The following PTPN9 variants were observed in gnomAD, a reference collection of about 807,000 sequenced individuals.
PTPN9 encodes tyrosine-protein phosphatase non-receptor type 9.
In PTPN9, 26 loss-of-function variants were observed where a neutral mutation model predicts 69.8. The observed-to-expected ratio is 0.37, with a 90% CI of 0.27 to 0.52. The LOEUF (loss-of-function observed/expected upper bound fraction) is 0.52. Among genes scored for constraint, PTPN9 ranks in the 20% least tolerant of loss-of-function variants. The probability of loss-of-function intolerance (pLI) is 0.91; values close to 1 mark genes in which losing one functional copy is unlikely to be tolerated. For missense variants in PTPN9, 549 were observed against 740.3 expected (o/e 0.74, Z 3.00); for synonymous variants, 274 against 272.5 (o/e 1.01, Z -0.05).
chr15:75,492,812 G>A (rs955912779), intron 7 of PTPN9, among the ~76,000 whole-genome samples: 25 of 152,058 alleles, frequency 1.6e-4, no homozygotes, highest in African/African-American at 6.0e-4. Context: ...GGATCTCAAT[G>A]TAATTAAGGA....
chr15:75,487,002 G>A (rs1039451725), intron 8 of PTPN9, among the ~76,000 whole-genome samples: 11 of 151,770 alleles, frequency 7.2e-5, no homozygotes, highest in Non-Finnish European at 1.3e-4. Context: ...AGCCAGGATG[G>A]TCTCGATCTC....
At position 75,465,858 on chromosome 15, in the gene PTPN9, G is replaced by C. The variant is rs2074534584; in HGVS notation, c.*2911C>G. On this transcript the variant is annotated 3_prime_UTR_variant, in exon 13 of 13. Transcript: ENST00000618819. ...TGACAATTTAAAGTTACCTCCTCCA[G>C]GCCGTTTATCATTAATCCCATTTCT... is the stretch of plus-strand genomic sequence containing the variant. 6.6e-6 allele frequency: 1 copy of C among 152,108 alleles called. No homozygotes were observed. 9.4% of individuals were successfully genotyped at this position (152,108 alleles called of 1,614,324 possible).
At chr15:75,541,493 G>A (rs987989174) in intron 1 of PTPN9, among the ~76,000 whole-genome samples, 6 of 149,070 alleles carry the variant, frequency 4.0e-5, no homozygotes, top group Admixed American at 2.7e-4. Context: ...TGCAAGCTCC[G>A]CCTCCCAGGT....
Position 75,482,581 on chromosome 15 carries a change from A to C in PTPN9, c.1063-2667T>G, listed in dbSNP as rs1377779335. On this transcript the variant is annotated intron_variant, in intron 8 of 12. Coordinates refer to ENST00000618819, the MANE Select transcript of PTPN9 (RefSeq NM_002833.4). ...CTCCGTCTCAAAAAAAAAAAAAAAA[A>C]AAAAAAAAAAGAGTCATCACCAATC... 3.4e-5 allele frequency among the ~76,000 whole-genome samples: 5 copies of C among 147,756 alleles called. No homozygotes were observed. The East Asian group carries it at 9.9e-4, about 29-fold the overall frequency.
At chr15:75,510,641 C>CTT (rs201005354) in intron 5 of PTPN9, among the ~76,000 whole-genome samples, 6 of 142,234 alleles carry the variant, frequency 4.2e-5, no homozygotes, top group South Asian at 2.2e-4. Flanking sequence ...AGAAAAAGTA[C>CTT]TTTTTTTTTT....
intron 1 of PTPN9, among the ~76,000 whole-genome samples, chr15:75,567,055 G>A (rs1430865476): frequency 2.1e-5 from 3 of 142,230 alleles, no homozygotes; most frequent in African/African-American, 2.6e-5. Flanking sequence ...TCACTCTGTC[G>A]CCCAGGCTGG....
intron 7 of PTPN9, among the ~76,000 whole-genome samples, chr15:75,495,236 CA>C (rs1213286008): frequency 6.6e-6 from 1 of 151,472 alleles, no homozygotes; most frequent in Non-Finnish European, 1.5e-5. Context: ...GGGAAAACTG[CA>C]AGATAAAAAC....
chr15:75,563,707 C>T (rs1026279732), intron 1 of PTPN9, among the ~76,000 whole-genome samples: 1 of 152,122 alleles, frequency 6.6e-6, no homozygotes, highest in African/African-American at 2.4e-5. Context: ...ACTAAGAATT[C>T]AGAAGTTCGA....
At chr15:75,515,359 G>A (rs1212120945) in intron 5 of PTPN9, among the ~76,000 whole-genome samples, 13 of 150,916 alleles carry the variant, frequency 8.6e-5, no homozygotes, top group East Asian at 3.9e-4. Context: ...CCTGGGAGGC[G>A]GAGCTTGCAG....
chr15:75,490,647 C>T lies in PTPN9; in HGVS notation c.969-346G>A, dbSNP rs184879168. 4.9e-3 allele frequency among the ~76,000 whole-genome samples: 742 copies of T among 151,600 alleles called. 6 individuals carry two copies. Among genetic ancestry groups the T allele is most frequent in the African/African-American group, 0.016 (674 of 41,404 alleles). On this transcript the variant is annotated intron_variant, in intron 7 of 12. Coordinates refer to ENST00000618819, the MANE Select transcript of PTPN9 (RefSeq NM_002833.4). ...GAGCTTATCTCTTTTTTTTTTGAGA[C>T]GGAGTCTCGCTCTGTTGCCCAGGCT...
intron 1 of PTPN9, among the ~76,000 whole-genome samples, chr15:75,542,165 C>T (rs1246143011): frequency 6.6e-6 from 1 of 152,178 alleles, no homozygotes; most frequent in African/African-American, 2.4e-5. Flanking sequence ...GAATCTTTCA[C>T]AATGAGTTTA....
At chr15:75,555,621 C>T (rs1252717382) in intron 1 of PTPN9, among the ~76,000 whole-genome samples, 1 of 151,828 alleles carries the variant, frequency 6.6e-6, no homozygotes, top group Non-Finnish European at 1.5e-5. Context: ...TCTTGGGCTT[C>T]AGCCTCCTGA....
At chr15:75,484,499 C>T (rs1260792925) in intron 8 of PTPN9, among the ~76,000 whole-genome samples, 1 of 152,182 alleles carries the variant, frequency 6.6e-6, no homozygotes, top group African/African-American at 2.4e-5. Context: ...ACCTCTCTTC[C>T]AGGGTATTCT....
chr15:75,535,050 G>A (rs1484736052), intron 1 of PTPN9, among the ~76,000 whole-genome samples: 22 of 151,300 alleles, frequency 1.5e-4, no homozygotes, highest in African/African-American at 4.6e-4. Flanking sequence ...AGGCTGGAGT[G>A]CAGTGGCGTG....
chr15:75,473,797 G>A (rs1214387834), intron 9 of PTPN9, 30 bp from the exon 10 acceptor site: 2 of 1,508,448 alleles, frequency 1.3e-6, no homozygotes, highest in Non-Finnish European at 1.8e-6. Context: ...CAAGAAACAT[G>A]ACTCTGGGAA....
chr15:75,521,976 G>C (rs1194436930), intron 4 of PTPN9, among the ~76,000 whole-genome samples: 1 of 152,142 alleles, frequency 6.6e-6, no homozygotes, highest in Non-Finnish European at 1.5e-5. Flanking sequence ...AAAGTGCTAG[G>C]ATTACAGGCA....
At chr15:75,504,611 C>G (rs1208847538) in intron 7 of PTPN9, among the ~76,000 whole-genome samples, 8 of 134,936 alleles carry the variant, frequency 5.9e-5, no homozygotes, top group South Asian at 2.5e-4. Flanking sequence ...CCCCTCTGCC[C>G]GGCCAGCCGC....
chr15:75,488,569 G>C (rs1228580597), intron 8 of PTPN9, among the ~76,000 whole-genome samples: 1 of 151,980 alleles, frequency 6.6e-6, no homozygotes, highest in Non-Finnish European at 1.5e-5. Flanking sequence ...GCCAAGGTGA[G>C]AGGATTGCTT....
At chr15:75,540,202 T>C (rs1346077852) in intron 1 of PTPN9, among the ~76,000 whole-genome samples, 1 of 152,126 alleles carries the variant, frequency 6.6e-6, no homozygotes, top group Non-Finnish European at 1.5e-5. Context: ...AGCAAATAAA[T>C]AGGCACAATG....
Sources: allele counts gnomAD v4.1 joint callset (sites outside exome capture counted in the v4.1 genomes callset), GRCh38; gene constraint gnomAD v4.1.1; transcripts MANE v1.5; gene names NCBI Gene and HGNC (gene_info 2026-07-23, HGNC 2026-07-21).